Variants in TIAM1 observed in about 807,000 individuals in gnomAD.
TIAM1 encodes the protein TIAM Rac1 associated GEF 1, also known as rho guanine nucleotide exchange factor TIAM1.
A neutral mutation model predicts 163.5 loss-of-function variants in TIAM1; 65 were observed. The ratio of observed to expected loss-of-function variants is 0.40; its 90% CI spans 0.33 to 0.49. TIAM1 has a LOEUF of 0.49. Ranked by LOEUF, TIAM1 falls within the 20% of genes least tolerant of loss-of-function variation. The probability of loss-of-function intolerance (pLI) is 0.77; values close to 1 mark genes in which losing one functional copy is unlikely to be tolerated. For synonymous variants in TIAM1, 833 were observed against 810.1 expected, an observed-to-expected ratio of 1.03 and a Z score of -0.48; for missense variants, 1,789 against 2,044.7, an observed-to-expected ratio of 0.87 and a Z score of 2.41.
At chr21:31,241,476 G>A (rs558229680) in intron 6 of TIAM1, among the ~76,000 whole-genome samples, 1 of 152,234 alleles carries the variant, frequency 6.6e-6, no homozygotes, top group South Asian at 2.1e-4. Flanking sequence ...ATAATTAGCT[G>A]ACTACTAAAC....
rs370200942 is a variant in TIAM1, at chr21:31,273,579, T to TA, written c.-12+3152dup. Among the ~76,000 whole-genome samples, 34 of 152,326 alleles carry TA rather than the reference T, an allele frequency of 2.2e-4. 1 individual carries two copies. Among genetic ancestry groups the TA allele is most frequent in the African/African-American group, 8.2e-4 (34 of 41,586 alleles). On this transcript the variant is annotated intron_variant, in intron 3 of 27. Transcript: ENST00000541036. ...CCACCCACGGAGGTGAGACAGCACT[T>TA]ACAATCTGAACCAAGTCAGGTTGAC...
At chr21:31,147,315 AC>A (rs2083170039) in intron 19 of TIAM1, among the ~76,000 whole-genome samples, 1 of 152,110 alleles carries the variant, frequency 6.6e-6, no homozygotes, top group South Asian at 2.1e-4. Flanking sequence ...GAAAGTATAT[AC>A]TTTGGAAAAG....
At position 31,217,627 on chromosome 21, in the gene TIAM1, T is replaced by G. The variant is rs751070514; in HGVS notation, c.2068A>C (p.Arg690=). The G allele has an allele frequency of 6.2e-6, 10 of 1,614,132 alleles. No individual in the cohort carries two copies. The highest frequency in any genetic ancestry group is 1.6e-4 in the Middle Eastern group (1 of 6,062). ...CCCCACAGAGAAGAAAACCTGCTCCTTCGCTTGCTCGCGGATCTGGACATG... is the reference window on the plus strand; with the variant it reads ...CCCCACAGAGAAGAAAACCTGCTCCGTCGCTTGCTCGCGGATCTGGACATG... The part of the protein sequence containing the change: ...QAMSRSASKR[R]SRFSSLWGLD... Residue 690 remains arginine, a synonymous_variant, in exon 9 of 28, where the codon AGG becomes CGG. Coordinates refer to ENST00000541036, the MANE Select transcript of TIAM1 (RefSeq NM_001353694.2).
chr21:31,483,135 T>C (rs1025260237), intron 1 of TIAM1, among the ~76,000 whole-genome samples: 6 of 152,188 alleles, frequency 3.9e-5, no homozygotes, highest in African/African-American at 7.2e-5. Context: ...CTCAGACTTA[T>C]GTTTAGAAAA....
intron 19 of TIAM1, among the ~76,000 whole-genome samples, chr21:31,150,656 CA>C (rs2083330729): frequency 1.3e-5 from 2 of 151,846 alleles, no homozygotes; most frequent in Admixed American, 6.6e-5. Context: ...AGAGTAAACA[CA>C]GGAAAAAATC....
chr21:31,444,997 TA>T (rs10711431), intron 2 of TIAM1, among the ~76,000 whole-genome samples: 124,013 of 147,242 alleles, frequency 0.84, 51,200 homozygotes, highest in East Asian at 0.92. Context: ...AAATTACATC[TA>T]AAAAAAAAAG....
At chr21:31,145,208 G>C (rs2083055633) in intron 20 of TIAM1, among the ~76,000 whole-genome samples, 1 of 152,204 alleles carries the variant, frequency 6.6e-6, no homozygotes. Context: ...GGTTCCACCA[G>C]AACTCTGTTG....
rs537740974 is a variant in TIAM1, at chr21:31,173,538, GA to G, written c.2888-8474del. ...AGAAAGAGAGAGCGAGAGAAAGAGA[GA>G]GAGAGAGAGAGAGAAAAGAAAAGAA... On this transcript the variant is annotated intron_variant, in intron 15 of 27. Transcript: ENST00000541036. Among the ~76,000 whole-genome samples the G allele has an allele frequency of 1.2e-3, 188 of 151,920 alleles. 1 individual carries two copies. Among genetic ancestry groups the G allele is most frequent in the East Asian group, 8.7e-3 (45 of 5,164 alleles).
chr21:31,377,149 G>A (rs946268499), intron 2 of TIAM1, among the ~76,000 whole-genome samples: 1 of 142,384 alleles, frequency 7.0e-6, no homozygotes, highest in Non-Finnish European at 1.5e-5. Context: ...AAAGTGCTAC[G>A]ATTACAGGTG....
chr21:31,537,011 C>A (rs2048158107), intron 1 of TIAM1, among the ~76,000 whole-genome samples: 1 of 152,236 alleles, frequency 6.6e-6, no homozygotes, highest in South Asian at 2.1e-4. Flanking sequence ...GGGGAAGGAT[C>A]CTTCCTTGCC....
chr21:31,414,115 T>C (rs2043296754), intron 2 of TIAM1, among the ~76,000 whole-genome samples: 1 of 152,204 alleles, frequency 6.6e-6, no homozygotes, highest in African/African-American at 2.4e-5. Context: ...TTTGCCACTC[T>C]GAAAGCACAA....
intron 15 of TIAM1, among the ~76,000 whole-genome samples, chr21:31,180,201 C>T (rs887097344): frequency 9.2e-5 from 14 of 151,960 alleles, no homozygotes; most frequent in Admixed American, 4.6e-4. Flanking sequence ...CCACTGCGCC[C>T]GGTAGACTTT....
At chr21:31,399,637 G>A (rs1056192088) in intron 2 of TIAM1, among the ~76,000 whole-genome samples, 13 of 152,162 alleles carry the variant, frequency 8.5e-5, no homozygotes, top group African/African-American at 2.9e-4. Context: ...TATAGCCCAA[G>A]AGATGAGTAA....
chr21:31,430,688 T>C (rs961014247), intron 2 of TIAM1, among the ~76,000 whole-genome samples: 7 of 152,362 alleles, frequency 4.6e-5, no homozygotes, highest in African/African-American at 1.7e-4. Context: ...TAAAATTCTC[T>C]GAAGATTTTG....
In TIAM1 at chr21:31,154,369, G is replaced by A; in HGVS notation, c.3049C>T (p.Gln1017Ter). The A allele has an allele frequency of 6.2e-7, 1 of 1,614,142 alleles. No individual in the cohort carries two copies. The highest frequency in any genetic ancestry group is 8.5e-7 in the Non-Finnish European group (1 of 1,180,022). ...GTGGAGTCCTGAGGAGATGGGCTCT[G>A]GTCAGAGGGGTTCATCTCATGCAAA... Reference protein sequence around the residue: ...RSLHEMNPSDQSPSPQDSTGP... With the variant: ...RSLHEMNPSD Residue 1017 changes from glutamine to a stop codon, truncating the protein, a stop_gained, in exon 17 of 28, where the codon CAG becomes TAG. Coordinates refer to ENST00000541036, the MANE Select transcript of TIAM1 (RefSeq NM_001353694.2). LOFTEE classifies it high-confidence loss of function.
chr21:31,367,403 A>G (rs2147147387), intron 2 of TIAM1, among the ~76,000 whole-genome samples: 1 of 152,312 alleles, frequency 6.6e-6, no homozygotes, highest in East Asian at 1.9e-4. Context: ...ACCCAGACCA[A>G]CAGGCCGAAA....
intron 6 of TIAM1, among the ~76,000 whole-genome samples, chr21:31,244,743 G>A (rs930253617): frequency 1.3e-5 from 2 of 152,158 alleles, no homozygotes; most frequent in Non-Finnish European, 2.9e-5. Flanking sequence ...GAGAGGAACT[G>A]TCAAAATCTT....
intron 2 of TIAM1, among the ~76,000 whole-genome samples, chr21:31,459,278 AT>A (rs374835994): frequency 6.6e-6 from 1 of 151,840 alleles, no homozygotes; most frequent in African/African-American, 2.4e-5. Flanking sequence ...TGCCCAGTTA[AT>A]TTTTTTTATT....
chr21:31,368,515 T>C (rs1240983013), intron 2 of TIAM1, among the ~76,000 whole-genome samples: 2 of 152,200 alleles, frequency 1.3e-5, no homozygotes, highest in Admixed American at 1.3e-4. Flanking sequence ...TCGGATTTGC[T>C]GCCAGGAGTC....
Sources: allele counts gnomAD v4.1 joint callset (sites outside exome capture counted in the v4.1 genomes callset), GRCh38; gene constraint gnomAD v4.1.1; transcripts MANE v1.5; gene names NCBI Gene and HGNC (gene_info 2026-07-23, HGNC 2026-07-21).